HUNK: variants seen among roughly 807,000 people sequenced by gnomAD.
HUNK encodes hormonally up-regulated neu tumor-associated kinase.
A neutral mutation model predicts 61.0 loss-of-function variants in HUNK; 21 were observed. The ratio of observed to expected loss-of-function variants is 0.34; its 90% CI spans 0.24 to 0.50. The LOEUF is 0.50. Among genes scored for constraint, HUNK ranks in the 20% least tolerant of loss-of-function variants. The probability of loss-of-function intolerance (pLI) is 0.98; values close to 1 mark genes in which losing one functional copy is unlikely to be tolerated. For missense variants in HUNK, 772 were observed against 945.7 expected (o/e 0.82, Z 2.41); for synonymous variants, 371 against 386.1 (o/e 0.96, Z 0.46).
At chr21:31,907,386 T>G (rs2052513360) in intron 1 of HUNK, among the ~76,000 whole-genome samples, 1 of 152,216 alleles carries the variant, frequency 6.6e-6, no homozygotes, top group South Asian at 2.1e-4. Flanking sequence ...ACCTGTGTCC[T>G]TTTACGTACT....
intron 8 of HUNK, among the ~76,000 whole-genome samples, chr21:31,984,610 A>G (rs938843015): frequency 1.3e-5 from 2 of 152,224 alleles, no homozygotes; most frequent in African/African-American, 4.8e-5. Context: ...TGTAGCAAAC[A>G]TCCCACATCC....
At chr21:31,986,847 A>AT (rs1162069485) in intron 8 of HUNK, among the ~76,000 whole-genome samples, 2 of 152,134 alleles carry the variant, frequency 1.3e-5, no homozygotes, top group Admixed American at 1.3e-4. Flanking sequence ...GACCTCTGCC[A>AT]TCCAGTCTTA....
intron 4 of HUNK, among the ~76,000 whole-genome samples, chr21:31,958,599 C>T (rs1029255040): frequency 2.6e-5 from 4 of 152,068 alleles, no homozygotes; most frequent in Non-Finnish European, 5.9e-5. Flanking sequence ...AGGCTGGTCT[C>T]GAACTCCTGA....
At chr21:31,951,853 A>T (rs984672600) in intron 4 of HUNK, among the ~76,000 whole-genome samples, 2 of 152,190 alleles carry the variant, frequency 1.3e-5, no homozygotes, top group African/African-American at 4.8e-5. Flanking sequence ...GGGGTCAAAT[A>T]CAGAAGGATG....
chr21:31,948,108 G>A (rs1347576391), intron 4 of HUNK, among the ~76,000 whole-genome samples: 1 of 152,204 alleles, frequency 6.6e-6, no homozygotes, highest in Non-Finnish European at 1.5e-5. Context: ...CAAGGTCATA[G>A]AGCTGCTAAG....
intron 1 of HUNK, among the ~76,000 whole-genome samples, chr21:31,911,550 C>T (rs913412458): frequency 1.3e-4 from 20 of 152,214 alleles, no homozygotes; most frequent in South Asian, 4.2e-4. Context: ...ATCCTCATGA[C>T]GTGGATTCTT....
chr21:31,965,791 G>T (rs997199440), intron 5 of HUNK, among the ~76,000 whole-genome samples: 1 of 151,740 alleles, frequency 6.6e-6, no homozygotes, highest in Non-Finnish European at 1.5e-5. Context: ...TAGTAGAGAC[G>T]GGGTTTCGCC....
intron 4 of HUNK, among the ~76,000 whole-genome samples, chr21:31,949,762 A>G (rs1216893153): frequency 6.6e-6 from 1 of 152,212 alleles, no homozygotes; most frequent in African/African-American, 2.4e-5. Flanking sequence ...TGGTGGCAGC[A>G]TCGGCTTCTG....
chr21:31,935,452 G>A (rs1252204167), intron 2 of HUNK, among the ~76,000 whole-genome samples: 1 of 152,170 alleles, frequency 6.6e-6, no homozygotes, highest in Non-Finnish European at 1.5e-5. Flanking sequence ...TTCACTCTGT[G>A]ATGTCCAGTT....
chr21:31,947,423 C>G (rs538773978), intron 4 of HUNK, among the ~76,000 whole-genome samples: 1 of 152,222 alleles, frequency 6.6e-6, no homozygotes, highest in South Asian at 2.1e-4. Context: ...GCGTCACTGC[C>G]GAGATCATTT....
chr21:31,968,389 A>G lies in HUNK; in HGVS notation c.1010+4A>G. On this transcript the variant is annotated splice_donor_region_variant and intron_variant, in intron 6 of 10. Coordinates refer to ENST00000270112, the MANE Select transcript of HUNK (RefSeq NM_014586.2). ...GTAATGTCACCTATCCCAACAGGTA[A>G]TTTCGTGCACCCAGAGGAACTCCTC... The G allele has an allele frequency of 6.2e-7, 1 of 1,614,118 alleles. No homozygotes were observed. The highest frequency in any genetic ancestry group is 8.5e-7 in the Non-Finnish European group (1 of 1,180,012).
At chr21:31,904,771 T>C (rs1363747511) in intron 1 of HUNK, among the ~76,000 whole-genome samples, 1 of 152,198 alleles carries the variant, frequency 6.6e-6, no homozygotes, top group Non-Finnish European at 1.5e-5. Context: ...TACCATAGAA[T>C]GTGATTCGAT....
In HUNK at chr21:31,952,678, G is replaced by C. The variant is rs140308542; in HGVS notation, c.747-6165G>C. ...GACTTAACTCCAAGCTTTCCCGTTT[G>C]TATTTCATAAGTAAGGGCCCTTTTC... On this transcript the variant is annotated intron_variant, in intron 4 of 10. Transcript: ENST00000270112. Among the ~76,000 whole-genome samples, 709 of 152,024 alleles carry C rather than the reference G, an allele frequency of 4.7e-3. 5 individuals carry two copies. Among genetic ancestry groups the C allele is most frequent in the Non-Finnish European group, 8.2e-3 (560 of 67,984 alleles).
chr21:31,895,308 T>G (rs1446365168), intron 1 of HUNK, among the ~76,000 whole-genome samples: 1 of 152,202 alleles, frequency 6.6e-6, no homozygotes, highest in Non-Finnish European at 1.5e-5. Flanking sequence ...TTCCTGTGTG[T>G]TAAGAGCTGA....
At chr21:31,940,349 C>A in intron 3 of HUNK, 129 bp downstream of exon 3, 3 of 554,996 alleles carry the variant, frequency 5.4e-6, no homozygotes, top group Non-Finnish European at 9.2e-6. Context: ...TCTTTTACCT[C>A]CAATATTTAA....
intron 5 of HUNK, among the ~76,000 whole-genome samples, chr21:31,967,986 T>A (rs1004970139): frequency 2.6e-5 from 4 of 152,144 alleles, no homozygotes; most frequent in Non-Finnish European, 5.9e-5. Flanking sequence ...AATTAAATTC[T>A]TTGGCTATGT....
chr21:31,924,276 GTGTGTGTGTT>G lies in HUNK; in HGVS notation c.262-185_262-176del, dbSNP rs1269434873. ...TAATGTTGTACCTATATGTGTGTGT[GTGTGTGTGTT>G]TGTGTGGTATATGCATAAATATAAA... On this transcript the variant is annotated intron_variant, in intron 1 of 10. Transcript: ENST00000270112. The surrounding 1 kb of genome is among the most constrained non-coding windows in gnomAD (Gnocchi z 5.1). Among the ~76,000 whole-genome samples, 1 of 150,154 alleles carries G rather than the reference GTGTGTGTGTT, an allele frequency of 6.7e-6. No homozygotes were observed. The highest frequency in any genetic ancestry group is 1.5e-5 in the Non-Finnish European group (1 of 67,610).
chr21:31,918,002 T>C (rs761426981), intron 1 of HUNK, among the ~76,000 whole-genome samples: 9 of 152,212 alleles, frequency 5.9e-5, no homozygotes, highest in Admixed American at 1.3e-4. Flanking sequence ...TGCATTAGGC[T>C]TTACCCAGTT....
chr21:31,874,238 G>A (rs532587813), intron 1 of HUNK, among the ~76,000 whole-genome samples: 3 of 152,024 alleles, frequency 2.0e-5, no homozygotes, highest in South Asian at 2.1e-4. Flanking sequence ...AGCGCGGGGG[G>A]CGGGATGGGG....
Sources: allele counts gnomAD v4.1 joint callset (sites outside exome capture counted in the v4.1 genomes callset), GRCh38; gene constraint gnomAD v4.1.1; non-coding constraint Gnocchi (gnomAD v3.1); transcripts MANE v1.5; gene names NCBI Gene and HGNC (gene_info 2026-07-23, HGNC 2026-07-21).